Variants in SIK3 observed in about 807,000 individuals in gnomAD.
SIK3 encodes the protein SIK family kinase 3.
A neutral mutation model predicts 144.2 loss-of-function variants in SIK3; 28 were observed. That is an observed-to-expected ratio of 0.19 (90% CI 0.14 to 0.27). The LOEUF (loss-of-function observed/expected upper bound fraction) is 0.27, where lower values mean the gene tolerates loss of function less well. SIK3 is among the 10% of genes least tolerant of loss of function. The pLI is 1.00. For missense variants in SIK3, 1,319 were observed against 1,776.0 expected (o/e 0.74, Z 4.62); for synonymous variants, 686 against 676.3 (o/e 1.01, Z -0.22).
intron 1 of SIK3, among the ~76,000 whole-genome samples, chr11:117,062,954 T>C (rs1198975442): frequency 6.6e-6 from 1 of 152,256 alleles, no homozygotes; most frequent in Non-Finnish European, 1.5e-5. Flanking sequence ...AGTTTGTTTT[T>C]AATTGCCTTT....
intron 3 of SIK3, among the ~76,000 whole-genome samples, chr11:116,939,224 T>C (rs1298755465): frequency 1.3e-5 from 2 of 152,244 alleles, no homozygotes; most frequent in Non-Finnish European, 2.9e-5. Flanking sequence ...CTCAGCTCAC[T>C]GCAACCTCCG....
chr11:117,017,504 A>ATAGTAAACGTAC (rs1253966820), intron 1 of SIK3, among the ~76,000 whole-genome samples: 1 of 146,376 alleles, frequency 6.8e-6, no homozygotes, highest in Non-Finnish European at 1.5e-5. Flanking sequence ...GGCCTAGTAC[A>ATAGTAAACGTAC]TAGTAAACAT....
intron 1 of SIK3, among the ~76,000 whole-genome samples, chr11:117,095,419 G>A (rs934781307): frequency 1.3e-5 from 2 of 151,950 alleles, no homozygotes; most frequent in African/African-American, 4.8e-5. Flanking sequence ...GAGACAGATG[G>A]GGGAAAAAAA....
At chr11:116,860,454 T>G (rs1159490499) in intron 19 of SIK3, among the ~76,000 whole-genome samples, 4 of 152,134 alleles carry the variant, frequency 2.6e-5, no homozygotes, top group Non-Finnish European at 4.4e-5. Flanking sequence ...CTCTGAAGAC[T>G]CACAGTCACA....
intron 4 of SIK3, among the ~76,000 whole-genome samples, chr11:116,899,189 T>G (rs1043950304): frequency 1.3e-5 from 2 of 152,098 alleles, no homozygotes; most frequent in Non-Finnish European, 2.9e-5. Context: ...TTTCTACATA[T>G]GGCTAGCCAG....
intron 1 of SIK3, among the ~76,000 whole-genome samples, chr11:117,070,284 AT>A (rs1954204248): frequency 6.6e-6 from 1 of 152,132 alleles, no homozygotes; most frequent in Non-Finnish European, 1.5e-5. Flanking sequence ...ACTAGAAGGA[AT>A]TTTTTTAAAG....
intron 3 of SIK3, among the ~76,000 whole-genome samples, chr11:116,928,630 G>A (rs773088200): frequency 3.3e-5 from 5 of 152,152 alleles, no homozygotes; most frequent in South Asian, 2.1e-4. Context: ...AAGACTGAGC[G>A]CTTGTGGCAA....
intron 4 of SIK3, among the ~76,000 whole-genome samples, chr11:116,917,761 C>T (rs1183198710): frequency 3.8e-5 from 5 of 132,940 alleles, no homozygotes; most frequent in Admixed American, 8.5e-5. Flanking sequence ...GGAAAGAGAG[C>T]GAGAGAGAAA....
rs11216159 is a variant in SIK3 at position 116,846,183 on chromosome 11, T to C, written c.*13+200A>G. 3.4e-3 allele frequency among the ~76,000 whole-genome samples: 519 copies of C among 152,324 alleles called. 2 individuals are homozygous for C. The highest frequency in any genetic ancestry group is 0.012 in the African/African-American group (483 of 41,578). ...AAGAGACTGTGTTTAGCATTTCTTC[T>C]GCACACCCCCACCCCTACCTCGCGC... On this transcript the variant is annotated intron_variant, in intron 24 of 24. Transcript: ENST00000445177. The surrounding 1 kb of genome is among the most constrained non-coding windows in gnomAD (Gnocchi z 4.1).
At chr11:117,062,090 G>A (rs374923480) in intron 1 of SIK3, among the ~76,000 whole-genome samples, 19 of 151,936 alleles carry the variant, frequency 1.3e-4, no homozygotes, top group Non-Finnish European at 2.2e-4. Flanking sequence ...TTTGGGAGGC[G>A]TAGGTAGGCA....
intron 1 of SIK3, among the ~76,000 whole-genome samples, chr11:117,090,794 G>A (rs61244196): frequency 0.056 from 8,508 of 152,278 alleles, 523 homozygotes; most frequent in African/African-American, 0.15. Context: ...AAAAGTTAGT[G>A]GCAAAGGTGA....
At chr11:116,890,571 G>C (rs542312366) in intron 6 of SIK3, among the ~76,000 whole-genome samples, 3 of 152,350 alleles carry the variant, frequency 2.0e-5, no homozygotes, top group African/African-American at 7.2e-5. Flanking sequence ...CTTTCACTAA[G>C]TTCAGTCTGG....
intron 4 of SIK3, among the ~76,000 whole-genome samples, chr11:116,918,687 A>G (rs950134687): frequency 6.6e-6 from 1 of 152,188 alleles, no homozygotes; most frequent in Non-Finnish European, 1.5e-5. Flanking sequence ...GTTACACTTC[A>G]GTGTTCCAAG....
At chr11:116,964,320 T>C (rs1458662930) in intron 1 of SIK3, among the ~76,000 whole-genome samples, 1 of 152,168 alleles carries the variant, frequency 6.6e-6, no homozygotes, top group Non-Finnish European at 1.5e-5. Context: ...TTAATTGAAG[T>C]CTATATTTCA....
At chr11:116,907,214 A>G (rs1946086712) in intron 4 of SIK3, among the ~76,000 whole-genome samples, 1 of 152,252 alleles carries the variant, frequency 6.6e-6, no homozygotes, top group South Asian at 2.1e-4. Flanking sequence ...ATAAAGGTTA[A>G]AGAAAAATTA....
At chr11:116,855,482 A>C (rs562610283) in intron 21 of SIK3, 4 of 152,392 alleles carry the variant, frequency 2.6e-5, no homozygotes, top group African/African-American at 9.6e-5. Flanking sequence ...TCAGGGGACA[A>C]TGGGGAATTA....
chr11:116,884,378 C>T (rs961008084), intron 6 of SIK3, among the ~76,000 whole-genome samples: 5 of 142,374 alleles, frequency 3.5e-5, no homozygotes, highest in Non-Finnish European at 6.0e-5. Context: ...GATGGAGTCT[C>T]GCTCTGTCGC....
At chr11:116,906,839 G>A (rs1946067849) in intron 4 of SIK3, among the ~76,000 whole-genome samples, 1 of 152,176 alleles carries the variant, frequency 6.6e-6, no homozygotes, top group Non-Finnish European at 1.5e-5. Flanking sequence ...ACAATGTCAA[G>A]CTGTGAATAA....
chr11:117,060,881 G>C (rs564191849), intron 1 of SIK3, among the ~76,000 whole-genome samples: 2 of 152,288 alleles, frequency 1.3e-5, no homozygotes, highest in Admixed American at 1.3e-4. Flanking sequence ...CGTGAGGACA[G>C]GCAGAGATAA....
Sources: gnomAD v4.1 joint callset for allele counts (sites outside exome capture counted in the v4.1 genomes callset) on GRCh38, gnomAD v4.1.1 for gene constraint, Gnocchi (gnomAD v3.1) non-coding constraint, MANE v1.5 for transcripts, NCBI Gene and HGNC (gene_info 2026-07-23, HGNC 2026-07-21) for gene names.